Variants in TSPAN5 observed in about 807,000 individuals in gnomAD.
TSPAN5 encodes the protein tetraspanin 5.
Under a neutral mutation model 37.1 loss-of-function variants are expected in TSPAN5, and 10 were observed. The ratio of observed to expected loss-of-function variants is 0.27; its 90% confidence interval spans 0.17 to 0.46. The LOEUF (loss-of-function observed/expected upper bound fraction) is 0.46. Ranked by LOEUF, TSPAN5 falls within the 20% of genes least tolerant of loss-of-function variation. The probability of loss-of-function intolerance (pLI) is 1.00; values close to 1 mark genes in which losing one functional copy is unlikely to be tolerated. For missense variants in TSPAN5, 195 were observed against 326.6 expected, an observed-to-expected ratio of 0.60 and a Z score of 3.11; for synonymous variants, 110 against 118.9, an observed-to-expected ratio of 0.93 and a Z score of 0.48.
chr4:98,609,545 G>A (rs1248154588), intron 1 of TSPAN5, among the ~76,000 whole-genome samples: 1 of 152,204 alleles, frequency 6.6e-6, no homozygotes, highest in African/African-American at 2.4e-5. Flanking sequence ...GGACACAAGA[G>A]TGGAGCAGTG....
chr4:98,545,251 A>G (rs1222463897), intron 1 of TSPAN5, among the ~76,000 whole-genome samples: 1 of 152,236 alleles, frequency 6.6e-6, no homozygotes. Context: ...AAAAGAAGCC[A>G]ACAGAGAAAG....
intron 1 of TSPAN5, among the ~76,000 whole-genome samples, chr4:98,648,797 G>A (rs1377247923): frequency 6.6e-6 from 1 of 152,190 alleles, no homozygotes; most frequent in Non-Finnish European, 1.5e-5. Context: ...ATCTTCCCAA[G>A]AAAAACAAGC....
intron 1 of TSPAN5, among the ~76,000 whole-genome samples, chr4:98,549,699 T>C (rs766402817): frequency 4.6e-5 from 7 of 152,192 alleles, no homozygotes; most frequent in Admixed American, 2.6e-4. Flanking sequence ...AAAATGTGTG[T>C]TCATGTTTTT....
At chr4:98,589,076 A>T (rs1755561474) in intron 1 of TSPAN5, among the ~76,000 whole-genome samples, 2 of 152,136 alleles carry the variant, frequency 1.3e-5, no homozygotes, top group Admixed American at 6.5e-5. Context: ...CACACTCCTG[A>T]TCCCTAATCC....
chr4:98,487,851 C>T (rs889009749), intron 2 of TSPAN5, among the ~76,000 whole-genome samples: 1 of 152,156 alleles, frequency 6.6e-6, no homozygotes, highest in African/African-American at 2.4e-5. Flanking sequence ...GAAATCCCCT[C>T]TTCCCTTATG....
chr4:98,554,835 G>A (rs1296156430), intron 1 of TSPAN5, among the ~76,000 whole-genome samples: 1 of 152,198 alleles, frequency 6.6e-6, no homozygotes, highest in African/African-American at 2.4e-5. Flanking sequence ...TTCTAAAGGA[G>A]AGAGTATGTG....
intron 1 of TSPAN5, among the ~76,000 whole-genome samples, chr4:98,607,004 G>T (rs920209190): frequency 6.6e-6 from 1 of 152,168 alleles, no homozygotes. Flanking sequence ...GGTGTGGCAG[G>T]GGGAGGTGGT....
intron 1 of TSPAN5, among the ~76,000 whole-genome samples, chr4:98,568,599 C>G (rs1755057710): frequency 7.2e-6 from 1 of 138,024 alleles, no homozygotes; most frequent in Non-Finnish European, 1.6e-5. Context: ...GGGAGGCAGA[C>G]AGAGGACCTC....
intron 1 of TSPAN5, among the ~76,000 whole-genome samples, chr4:98,587,566 T>C (rs1036573883): frequency 4.6e-5 from 7 of 152,060 alleles, no homozygotes; most frequent in African/African-American, 1.7e-4. Context: ...CATACCCCAG[T>C]GAAGCAAGGC....
chr4:98,479,656 G>A (rs1323672587), intron 4 of TSPAN5, among the ~76,000 whole-genome samples: 1 of 152,174 alleles, frequency 6.6e-6, no homozygotes, highest in East Asian at 1.9e-4. Context: ...CCTCTTTAGG[G>A]TTAAGGCATA....
chr4:98,481,135 G>A (rs1752830316), intron 4 of TSPAN5, among the ~76,000 whole-genome samples: 1 of 152,110 alleles, frequency 6.6e-6, no homozygotes, highest in African/African-American at 2.4e-5. Flanking sequence ...ATAAAGACCT[G>A]CAAGTTTGTA....
Position 98,494,043 on chromosome 4 carries a change from T to C in TSPAN5, c.133-7159A>G, listed in dbSNP as rs542716803. ...TCTCATAACTTAGCAAAGAGACCAGTATATGTCTAAGAAGAAATAAGACAC... is the reference window on the plus strand; with the variant it reads ...TCTCATAACTTAGCAAAGAGACCAGCATATGTCTAAGAAGAAATAAGACAC... On this transcript the variant is annotated intron_variant, in intron 2 of 7. Transcript: ENST00000305798. Among the ~76,000 whole-genome samples the C allele has an allele frequency of 4.2e-4, 64 of 152,272 alleles. 1 individual carries two copies. Among genetic ancestry groups the C allele is most frequent in the African/African-American group, 1.5e-3 (62 of 41,562 alleles).
At chr4:98,608,221 ATAC>A (rs1283022817) in intron 1 of TSPAN5, among the ~76,000 whole-genome samples, 10 of 152,174 alleles carry the variant, frequency 6.6e-5, no homozygotes, top group African/African-American at 2.4e-4. Flanking sequence ...ACAGATAAAG[ATAC>A]TTATGATAGG....
At chr4:98,608,844 C>T (rs780716686) in intron 1 of TSPAN5, among the ~76,000 whole-genome samples, 14 of 152,148 alleles carry the variant, frequency 9.2e-5, no homozygotes, top group Admixed American at 3.9e-4. Flanking sequence ...ACCTTATACT[C>T]GCCCTCAGAG....
At chr4:98,656,392 C>A (rs1176202893) in intron 1 of TSPAN5, among the ~76,000 whole-genome samples, 1 of 152,154 alleles carries the variant, frequency 6.6e-6, no homozygotes, top group Non-Finnish European at 1.5e-5. Context: ...AACAAGAGGC[C>A]TGAACTCACT....
chr4:98,482,235 C>A (rs2110259609), intron 3 of TSPAN5, 60 bp from the exon 4 acceptor site: 1 of 1,485,076 alleles, frequency 6.7e-7, no homozygotes, highest in Non-Finnish European at 9.2e-7. Flanking sequence ...TCATATATAG[C>A]TAAATGGTTC....
intron 1 of TSPAN5, among the ~76,000 whole-genome samples, chr4:98,644,735 A>G (rs1300039041): frequency 2.0e-5 from 3 of 152,190 alleles, no homozygotes; most frequent in Non-Finnish European, 4.4e-5. Context: ...ACTGAGATAC[A>G]GTTCCTAAGC....
intron 1 of TSPAN5, among the ~76,000 whole-genome samples, chr4:98,565,159 G>A (rs1385276203): frequency 6.6e-6 from 1 of 152,124 alleles, no homozygotes; most frequent in East Asian, 1.9e-4. Flanking sequence ...TATGAACAAG[G>A]GGACTATTTG....
intron 1 of TSPAN5, among the ~76,000 whole-genome samples, chr4:98,541,189 C>A (rs1754349283): frequency 6.6e-6 from 1 of 152,172 alleles, no homozygotes; most frequent in Non-Finnish European, 1.5e-5. Context: ...ATCGCTAGAC[C>A]CTTTCTAGTC....
Sources: gnomAD v4.1 joint callset for allele counts (sites outside exome capture counted in the v4.1 genomes callset) on GRCh38, gnomAD v4.1.1 for gene constraint, MANE v1.5 for transcripts, NCBI Gene and HGNC (gene_info 2026-07-23, HGNC 2026-07-21) for gene names.